Variants in SUCLG1 observed in about 807,000 individuals in gnomAD.
SUCLG1 encodes succinate--CoA ligase [ADP/GDP-forming] subunit alpha, mitochondrial.
SUCLG1 carries 26 observed loss-of-function variants against 37.3 expected under a neutral mutation model. The observed-to-expected ratio is 0.70, with a 90% CI of 0.51 to 0.97. The LOEUF (loss-of-function observed/expected upper bound fraction) is 0.97, where lower values mean the gene tolerates loss of function less well. Ranked by LOEUF, SUCLG1 falls within the 50% of genes least tolerant of loss-of-function variation. SUCLG1 has a pLI of 0.00. For synonymous variants in SUCLG1, 163 were observed against 155.6 expected, an observed-to-expected ratio of 1.05 and a Z score of -0.36; for missense variants, 433 against 432.9, an observed-to-expected ratio of 1.00 and a Z score of 0.00.
chr2:84,441,668 G>A (rs937298020), intron 3 of SUCLG1, among the ~76,000 whole-genome samples: 1 of 152,106 alleles, frequency 6.6e-6, no homozygotes, highest in Non-Finnish European at 1.5e-5. Flanking sequence ...ATGCCACTGT[G>A]AATTGAAAGC....
At chr2:84,454,815 G>C (rs534231159) in intron 1 of SUCLG1, among the ~76,000 whole-genome samples, 12 of 152,116 alleles carry the variant, frequency 7.9e-5, no homozygotes, top group Non-Finnish European at 1.5e-4. Flanking sequence ...TGCAATCTAT[G>C]GTCAAAGAGC....
At chr2:84,426,684 T>C (rs1409826281) in intron 7 of SUCLG1, 1 of 151,180 alleles carries the variant, frequency 6.6e-6, no homozygotes, top group East Asian at 1.9e-4. Flanking sequence ...AAAGATACCA[T>C]AAACTAATAT....
At chr2:84,450,385 T>C (rs1410158900) in intron 1 of SUCLG1, among the ~76,000 whole-genome samples, 2 of 105,354 alleles carry the variant, frequency 1.9e-5, no homozygotes, top group African/African-American at 7.4e-5. Context: ...AATAGGAAAG[T>C]AGACAAGACA....
intron 1 of SUCLG1, among the ~76,000 whole-genome samples, chr2:84,452,646 T>C (rs1672957819): frequency 6.6e-6 from 1 of 152,214 alleles, no homozygotes; most frequent in Admixed American, 6.5e-5. Context: ...CTTTTCATCA[T>C]GTTATTTTTA....
intron 1 of SUCLG1, among the ~76,000 whole-genome samples, chr2:84,450,390 A>G (rs1321365751): frequency 6.6e-6 from 1 of 151,838 alleles, no homozygotes. Flanking sequence ...GAAAGTAGAC[A>G]AGACAGGAAA....
At chr2:84,441,521 T>C (rs974468186) in intron 3 of SUCLG1, 62 bp from the exon 4 acceptor site, 3 of 1,503,934 alleles carry the variant, frequency 2.0e-6, no homozygotes, top group Non-Finnish European at 2.7e-6. Context: ...TAAAATAAAT[T>C]CAATACCATC....
At chr2:84,437,881 T>C (rs980550147) in intron 5 of SUCLG1, among the ~76,000 whole-genome samples, 6 of 152,130 alleles carry the variant, frequency 3.9e-5, no homozygotes, top group Non-Finnish European at 7.4e-5. Flanking sequence ...TCCTCAGTAA[T>C]AAAAAGAAAC....
At chr2:84,437,137 G>C (rs1361200911) in intron 5 of SUCLG1, among the ~76,000 whole-genome samples, 1 of 151,990 alleles carries the variant, frequency 6.6e-6, no homozygotes, top group African/African-American at 2.4e-5. Context: ...CCCCTCTATG[G>C]GACATTTCAT....
chr2:84,435,979 T>C (rs1265861134), intron 5 of SUCLG1, among the ~76,000 whole-genome samples: 1 of 152,220 alleles, frequency 6.6e-6, no homozygotes, highest in African/African-American at 2.4e-5. Flanking sequence ...TTAACCCTTG[T>C]TGTGCATCTC....
intron 5 of SUCLG1, among the ~76,000 whole-genome samples, chr2:84,438,447 T>C (rs2104250720): frequency 6.6e-6 from 1 of 152,376 alleles, no homozygotes; most frequent in South Asian, 2.1e-4. Flanking sequence ...TATGCAATTA[T>C]ATTAGCTGTT....
chr2:84,430,279 G>A (rs1379992997), intron 7 of SUCLG1, among the ~76,000 whole-genome samples: 2 of 152,132 alleles, frequency 1.3e-5, no homozygotes, highest in Admixed American at 6.5e-5. Context: ...TTTAAACTTC[G>A]CAGTCCTTAC....
At chr2:84,429,658 A>C (rs1672588094) in intron 7 of SUCLG1, among the ~76,000 whole-genome samples, 1 of 152,170 alleles carries the variant, frequency 6.6e-6, no homozygotes. Flanking sequence ...CTAAAAGGGA[A>C]GGTTTGGATG....
chr2:84,439,634 C>A (rs1324367725), intron 5 of SUCLG1, among the ~76,000 whole-genome samples: 1 of 152,200 alleles, frequency 6.6e-6, no homozygotes, highest in Non-Finnish European at 1.5e-5. Flanking sequence ...ATTCTGTAAA[C>A]TGCACAGCCG....
chr2:84,443,270 G>A lies in SUCLG1; in HGVS notation c.318+14C>T, dbSNP rs2104256481. On this transcript the variant is annotated intron_variant, in intron 3 of 8. Coordinates refer to ENST00000393868, the MANE Select transcript of SUCLG1 (RefSeq NM_003849.4). ...GCTTTTCTTGTCTTGCCAAACTCAG[G>A]TACCACTAATTACCTCCTTCACAGT... is the stretch of plus-strand genomic sequence containing the variant. The A allele has an allele frequency of 6.2e-7, 1 of 1,606,658 alleles. No homozygotes were observed. The highest frequency in any genetic ancestry group is 8.5e-7 in the Non-Finnish European group (1 of 1,173,198).
At chr2:84,448,188 AAAC>A (rs200304110) in intron 2 of SUCLG1, among the ~76,000 whole-genome samples, 2,782 of 143,878 alleles carry the variant, frequency 0.019, 71 homozygotes, top group African/African-American at 0.071. Context: ...AAAAAACAAA[AAAC>A]AAAAAACAAA....
rs963827752 is a variant in SUCLG1 at position 84,458,873 on chromosome 2, A to C, written c.97+300T>G. Among the ~76,000 whole-genome samples the C allele has an allele frequency of 2.6e-5, 4 of 151,910 alleles. No homozygotes were observed. In the South Asian group the frequency reaches 8.3e-4, roughly 31 times the overall value. On this transcript the variant is annotated intron_variant, in intron 1 of 8. Coordinates refer to ENST00000393868, the MANE Select transcript of SUCLG1 (RefSeq NM_003849.4). ...GTCTAGACGCCACCCCCATCCTGTC[A>C]TTTGTCACCGCGGGGCCGAGAGCAA...
intron 5 of SUCLG1, 181 bp from the exon 6 acceptor site, chr2:84,433,616 CA>C (rs1672642533): frequency 3.2e-6 from 2 of 623,854 alleles, no homozygotes; most frequent in South Asian, 2.0e-5. Flanking sequence ...TAAATTCAAG[CA>C]GGGGGGTTTT....
At chr2:84,446,628 T>C (rs1247811804) in intron 2 of SUCLG1, among the ~76,000 whole-genome samples, 1 of 152,056 alleles carries the variant, frequency 6.6e-6, no homozygotes, top group East Asian at 1.9e-4. Context: ...AGCAGTGCTA[T>C]TCAAAGTATA....
At chr2:84,450,225 A>C (rs1011675350) in intron 1 of SUCLG1, among the ~76,000 whole-genome samples, 3 of 152,192 alleles carry the variant, frequency 2.0e-5, no homozygotes. Flanking sequence ...TCAGGAATAC[A>C]AGTAAAAATC....
Sources: allele counts gnomAD v4.1 joint callset (sites outside exome capture counted in the v4.1 genomes callset), GRCh38; gene constraint gnomAD v4.1.1; transcripts MANE v1.5; gene names NCBI Gene and HGNC (gene_info 2026-07-23, HGNC 2026-07-21).